Variants in PDSS2 observed in about 807,000 individuals in gnomAD.
PDSS2 encodes the protein all trans-polyprenyl-diphosphate synthase PDSS2.
Under a neutral mutation model 44.5 loss-of-function variants are expected in PDSS2, and 31 were observed. The ratio of observed to expected loss-of-function variants is 0.70; its 90% confidence interval spans 0.52 to 0.94. The LOEUF (loss-of-function observed/expected upper bound fraction) is 0.94, where lower values mean the gene tolerates loss of function less well. Among genes scored for constraint, PDSS2 ranks in the 40% least tolerant of loss-of-function variants. The probability of loss-of-function intolerance (pLI) is 0.00; values close to 1 mark genes in which losing one functional copy is unlikely to be tolerated. For synonymous variants in PDSS2, 157 were observed against 180.3 expected, an observed-to-expected ratio of 0.87 and a Z score of 1.03; for missense variants, 452 against 482.2, an observed-to-expected ratio of 0.94 and a Z score of 0.59.
At chr6:107,329,124 T>C (rs929576040) in intron 2 of PDSS2, among the ~76,000 whole-genome samples, 2 of 152,226 alleles carry the variant, frequency 1.3e-5, no homozygotes, top group African/African-American at 4.8e-5. Flanking sequence ...TTATGTTCCA[T>C]AGCACAGATA....
chr6:107,358,330 G>A (rs1360566388), intron 1 of PDSS2, among the ~76,000 whole-genome samples: 1 of 152,074 alleles, frequency 6.6e-6, no homozygotes, highest in Non-Finnish European at 1.5e-5. Flanking sequence ...TTTTGGATAA[G>A]GGATACTCAA....
chr6:107,321,536 G>A (rs1399606044), intron 2 of PDSS2, among the ~76,000 whole-genome samples: 2 of 152,166 alleles, frequency 1.3e-5, no homozygotes, highest in African/African-American at 4.8e-5. Flanking sequence ...ATATGTTCAT[G>A]AGCAGATATG....
chr6:107,299,807 C>T (rs918634474), intron 2 of PDSS2, among the ~76,000 whole-genome samples: 5 of 152,184 alleles, frequency 3.3e-5, no homozygotes, highest in African/African-American at 1.2e-4. Flanking sequence ...AAAATAATTA[C>T]TCCCAGTTGT....
intron 7 of PDSS2, among the ~76,000 whole-genome samples, chr6:107,186,692 G>A (rs1772182323): frequency 6.6e-6 from 1 of 151,854 alleles, no homozygotes; most frequent in Non-Finnish European, 1.5e-5. Flanking sequence ...TCCCACTTAT[G>A]AGTGAGAACA....
At chr6:107,190,251 C>T (rs1772327112) in intron 7 of PDSS2, among the ~76,000 whole-genome samples, 1 of 152,168 alleles carries the variant, frequency 6.6e-6, no homozygotes, top group South Asian at 2.1e-4. Context: ...CTTCTTAACC[C>T]TGCTGATATC....
chr6:107,413,937 G>T (rs1442378265), intron 1 of PDSS2, among the ~76,000 whole-genome samples: 1 of 152,072 alleles, frequency 6.6e-6, no homozygotes, highest in African/African-American at 2.4e-5. Flanking sequence ...TGAAGAGAGC[G>T]ATTCAACATT....
intron 1 of PDSS2, among the ~76,000 whole-genome samples, chr6:107,422,505 A>T (rs1780858615): frequency 6.6e-6 from 1 of 152,128 alleles, no homozygotes; most frequent in African/African-American, 2.4e-5. Context: ...GTGTGCAATG[A>T]CATACATGCA....
chr6:107,422,993 T>C (rs1177478296), intron 1 of PDSS2, among the ~76,000 whole-genome samples: 5 of 152,254 alleles, frequency 3.3e-5, no homozygotes, highest in Admixed American at 1.3e-4. Context: ...CTGCCTGATA[T>C]AGTAACATCT....
At chr6:107,311,930 A>G (rs916498038) in intron 2 of PDSS2, among the ~76,000 whole-genome samples, 2 of 152,172 alleles carry the variant, frequency 1.3e-5, no homozygotes, top group Non-Finnish European at 2.9e-5. Flanking sequence ...TATCACCACT[A>G]ATGTTTGTAC....
chr6:107,232,586 C>T, intron 4 of PDSS2, among the ~76,000 whole-genome samples: 1 of 152,166 alleles, frequency 6.6e-6, no homozygotes, highest in East Asian at 1.9e-4. Flanking sequence ...CTATTTAGTT[C>T]TCTCCTATAC....
intron 1 of PDSS2, among the ~76,000 whole-genome samples, chr6:107,458,476 A>G (rs532573425): frequency 4.0e-5 from 6 of 151,058 alleles, no homozygotes; most frequent in Non-Finnish European, 8.8e-5. Flanking sequence ...GTAGTACAGC[A>G]TAAGTGATAA....
intron 3 of PDSS2, chr6:107,264,417 ACAT>A (rs1775345684): frequency 6.5e-7 from 1 of 1,549,120 alleles, no homozygotes; most frequent in East Asian, 2.4e-5. Context: ...TCCAGGAGTG[ACAT>A]CATGACAATG....
chr6:107,181,577 A>G, intron 7 of PDSS2, among the ~76,000 whole-genome samples: 1 of 150,626 alleles, frequency 6.6e-6, no homozygotes, highest in Middle Eastern at 3.5e-3. Context: ...AATAAGAAAA[A>G]AAAAAGAAAG....
At chr6:107,393,396 G>A (rs545911841) in intron 1 of PDSS2, among the ~76,000 whole-genome samples, 1 of 152,064 alleles carries the variant, frequency 6.6e-6, no homozygotes, top group African/African-American at 2.4e-5. Flanking sequence ...TTAAATTATT[G>A]AGACTTTAAA....
At chr6:107,299,266 T>A (rs1239258099) in intron 2 of PDSS2, among the ~76,000 whole-genome samples, 3 of 152,096 alleles carry the variant, frequency 2.0e-5, no homozygotes, top group Non-Finnish European at 4.4e-5. Flanking sequence ...TGTCTTTTTT[T>A]AAATACACTC....
intron 1 of PDSS2, among the ~76,000 whole-genome samples, chr6:107,445,188 TTA>T (rs60071847): frequency 6.7e-5 from 10 of 149,812 alleles, no homozygotes; most frequent in Admixed American, 2.7e-4. Flanking sequence ...ATTACATATT[TTA>T]TATATATATA....
intron 3 of PDSS2, among the ~76,000 whole-genome samples, chr6:107,252,283 C>T (rs1774846895): frequency 6.6e-6 from 1 of 152,152 alleles, no homozygotes; most frequent in Non-Finnish European, 1.5e-5. Context: ...TTAATGTAGA[C>T]AATGATGAAA....
intron 3 of PDSS2, among the ~76,000 whole-genome samples, chr6:107,258,211 T>C (rs1034570474): frequency 4.6e-5 from 7 of 152,218 alleles, no homozygotes; most frequent in African/African-American, 1.7e-4. Flanking sequence ...TGCTGAAATA[T>C]GCACAAAAAT....
chr6:107,160,998 A>G (rs1318293628), intron 7 of PDSS2, among the ~76,000 whole-genome samples: 1 of 151,942 alleles, frequency 6.6e-6, no homozygotes, highest in East Asian at 2.0e-4. Flanking sequence ...TCGGCCTCCA[A>G]AAGTGCTGGG....
Sources: gnomAD v4.1 joint callset for allele counts (sites outside exome capture counted in the v4.1 genomes callset) on GRCh38, gnomAD v4.1.1 for gene constraint, MANE v1.5 for transcripts, NCBI Gene and HGNC (gene_info 2026-07-23, HGNC 2026-07-21) for gene names.